DPYS: variants seen among roughly 807,000 people sequenced by gnomAD.
The protein encoded by DPYS is dihydropyrimidine amidohydrolase.
In DPYS, 39 loss-of-function variants were observed where a neutral mutation model predicts 50.3. That is an observed-to-expected ratio of 0.78 (90% CI 0.60 to 1.01). The LOEUF is 1.01. Ranked by LOEUF, DPYS falls within the 50% of genes least tolerant of loss-of-function variation. The pLI, the probability that DPYS is intolerant of heterozygous loss-of-function variation, is 0.00. For missense variants in DPYS, 659 were observed against 680.9 expected (o/e 0.97, Z 0.36); for synonymous variants, 245 against 250.7 (o/e 0.98, Z 0.22).
At chr8:104,449,708 G>C (rs1243110015) in intron 2 of DPYS, among the ~76,000 whole-genome samples, 1 of 152,240 alleles carries the variant, frequency 6.6e-6, no homozygotes, top group East Asian at 1.9e-4. Flanking sequence ...ATCATATGAA[G>C]ATGAAGGCAG....
intron 1 of DPYS, among the ~76,000 whole-genome samples, chr8:104,463,895 T>A (rs2140783018): frequency 6.6e-6 from 1 of 152,318 alleles, no homozygotes; most frequent in South Asian, 2.1e-4. Flanking sequence ...GTCAATACTG[T>A]AATGTTTATG....
rs766868517 is a variant in DPYS at position 104,428,124 on chromosome 8, G to A, written c.951-3C>T. 3 of 1,614,182 alleles carry A rather than the reference G, an allele frequency of 1.9e-6. No homozygotes were observed. Among genetic ancestry groups the A allele is most frequent in the Non-Finnish European group, 2.5e-6 (3 of 1,180,010 alleles). On this transcript the variant is annotated splice_region_variant and splice_polypyrimidine_tract_variant and intron_variant, in intron 5 of 9. Transcript: ENST00000351513. ...TCCCTGTTGTGGTTAGATCATCACT[G>A]TAAAAGAAAAAACACGAGAGTGATG...
At chr8:104,395,848 CA>C (rs3039791) in intron 7 of DPYS, among the ~76,000 whole-genome samples, 25,018 of 148,080 alleles carry the variant, frequency 0.17, 2,709 homozygotes, top group East Asian at 0.3. Context: ...TATGCTGCAG[CA>C]AAAAAAAAAA....
intron 7 of DPYS, among the ~76,000 whole-genome samples, chr8:104,403,105 T>C (rs1476570588): frequency 6.6e-6 from 1 of 152,132 alleles, no homozygotes; most frequent in Non-Finnish European, 1.5e-5. Context: ...TTCTGGTCCG[T>C]GTTTGTTGCC....
intron 8 of DPYS, among the ~76,000 whole-genome samples, chr8:104,391,490 T>C (rs1475042817): frequency 6.6e-6 from 1 of 152,216 alleles, no homozygotes; most frequent in African/African-American, 2.4e-5. Context: ...GACACAGGGT[T>C]GCCTCCCCGG....
intron 2 of DPYS, among the ~76,000 whole-genome samples, chr8:104,450,147 A>AAGGGAGGGAGGAAGGGAGGG (rs200426343): frequency 1.5e-5 from 1 of 68,016 alleles, no homozygotes; most frequent in Non-Finnish European, 3.4e-5. Flanking sequence ...GAAAAGAAAG[A>AAGGGAGGGAGGAAGGGAGGG]AGGAAGGGAG....
At chr8:104,383,544 A>C (rs1811123087) in intron 8 of DPYS, among the ~76,000 whole-genome samples, 1 of 144,706 alleles carries the variant, frequency 6.9e-6, no homozygotes, top group Non-Finnish European at 1.5e-5. Context: ...GCGTGGGCTG[A>C]CTCCGTTTCT....
chr8:104,446,460 A>G (rs1039135088), intron 3 of DPYS, among the ~76,000 whole-genome samples: 1 of 152,168 alleles, frequency 6.6e-6, no homozygotes, highest in Non-Finnish European at 1.5e-5. Flanking sequence ...TTGCTCCCCA[A>G]TCCAACCCAC....
chr8:104,441,731 T>A (rs1249000561), intron 4 of DPYS, among the ~76,000 whole-genome samples: 1 of 152,212 alleles, frequency 6.6e-6, no homozygotes, highest in African/African-American at 2.4e-5. Context: ...CCTCCAGAAC[T>A]AATGTGTCTT....
intron 7 of DPYS, among the ~76,000 whole-genome samples, chr8:104,405,303 G>A (rs1432417738): frequency 1.3e-5 from 2 of 152,154 alleles, no homozygotes; most frequent in Admixed American, 6.5e-5. Context: ...TGAGTCAGCA[G>A]GGCCAGAAAT....
chr8:104,457,180 A>T (rs1813954399), intron 1 of DPYS, among the ~76,000 whole-genome samples: 1 of 152,220 alleles, frequency 6.6e-6, no homozygotes, highest in Non-Finnish European at 1.5e-5. Context: ...GCCATTATGA[A>T]GTAAAATAAG....
At position 104,381,309 on chromosome 8, in the gene DPYS, G is replaced by A; in HGVS notation, c.1449C>T (p.Cys483=). ...YKRIKQRDRT[C]TPTPVERAPY... is the part of the protein sequence containing the mutation. ...GTGCACGCTCCACAGGGGTAGGTGTGCAAGTCTGAAAGAGAACATTTCATT... is the reference window on the plus strand; with the variant it reads ...GTGCACGCTCCACAGGGGTAGGTGTACAAGTCTGAAAGAGAACATTTCATT... The change falls in exon 9 of 10, where the codon TGC becomes TGT. Residue 483 remains cysteine (C), a synonymous_variant. Coordinates refer to ENST00000351513, the MANE Select transcript of DPYS (RefSeq NM_001385.3). 1 of 1,613,972 alleles carries A rather than the reference G, an allele frequency of 6.2e-7. No individual in the cohort carries two copies. The highest frequency in any genetic ancestry group is 8.5e-7 in the Non-Finnish European group (1 of 1,179,858).
intron 1 of DPYS, among the ~76,000 whole-genome samples, chr8:104,454,374 G>A (rs772188482): frequency 1.8e-4 from 27 of 152,206 alleles, no homozygotes; most frequent in Non-Finnish European, 3.1e-4. Flanking sequence ...TGACAAGAGT[G>A]AAACTCCATC....
chr8:104,449,558 G>A (rs1215336961), intron 2 of DPYS, among the ~76,000 whole-genome samples: 1 of 152,212 alleles, frequency 6.6e-6, no homozygotes. Flanking sequence ...ATATGTTGAA[G>A]TCCTAACCCC....
intron 7 of DPYS, among the ~76,000 whole-genome samples, chr8:104,416,695 AGAG>A (rs1187654610): frequency 2.6e-5 from 4 of 152,158 alleles, no homozygotes; most frequent in African/African-American, 9.7e-5. Flanking sequence ...TCTTTGAGGA[AGAG>A]GAGGAGGATT....
chr8:104,386,625 T>C (rs1811222352), intron 8 of DPYS, among the ~76,000 whole-genome samples: 1 of 151,758 alleles, frequency 6.6e-6, no homozygotes, highest in African/African-American at 2.4e-5. Flanking sequence ...TTTTTCTTTT[T>C]ATTTATTTAT....
intron 7 of DPYS, among the ~76,000 whole-genome samples, chr8:104,394,295 GCCTGTT>G (rs1177095619): frequency 6.6e-6 from 1 of 152,074 alleles, no homozygotes. Context: ...GATAACACTG[GCCTGTT>G]CCTTGGTCTA....
intron 7 of DPYS, among the ~76,000 whole-genome samples, chr8:104,393,425 C>A (rs756413379): frequency 2.0e-5 from 3 of 152,142 alleles, no homozygotes; most frequent in Admixed American, 6.6e-5. Context: ...TTCTTCAATA[C>A]CCCTTCCCAA....
At chr8:104,403,401 T>C (rs1348589952) in intron 7 of DPYS, among the ~76,000 whole-genome samples, 1 of 152,044 alleles carries the variant, frequency 6.6e-6, no homozygotes, top group Admixed American at 6.5e-5. Flanking sequence ...GAACCCCAGG[T>C]CAGAGAACAC....
Sources: allele counts gnomAD v4.1 joint callset (sites outside exome capture counted in the v4.1 genomes callset), GRCh38; gene constraint gnomAD v4.1.1; transcripts MANE v1.5; gene names NCBI Gene and HGNC (gene_info 2026-07-23, HGNC 2026-07-21).